The following SLC5A4 variants were observed in gnomAD, a reference collection of about 807,000 sequenced individuals.
SLC5A4 encodes probable glucose sensor protein SLC5A4.
A neutral mutation model predicts 70.3 loss-of-function variants in SLC5A4; 55 were observed. The observed-to-expected ratio is 0.78, with a 90% CI of 0.63 to 0.98. The LOEUF (loss-of-function observed/expected upper bound fraction) is 0.98, where lower values mean the gene tolerates loss of function less well. SLC5A4 is among the 50% of genes least tolerant of loss of function. The pLI, the probability that SLC5A4 is intolerant of heterozygous loss-of-function variation, is 0.00. For missense variants in SLC5A4, 735 were observed against 839.2 expected, an observed-to-expected ratio of 0.88 and a Z score of 1.53; for synonymous variants, 268 against 305.7, an observed-to-expected ratio of 0.88 and a Z score of 1.29.
Position 32,229,184 on chromosome 22 carries a change from G to C in SLC5A4, c.1280+10C>G. The C allele has an allele frequency of 6.2e-7, 1 of 1,612,562 alleles. No individual in the cohort carries two copies. The highest frequency in any genetic ancestry group is 8.5e-7 in the Non-Finnish European group (1 of 1,178,902). Reference sequence around the variant, plus strand: ...CAGAGGATTCTAGGTGGGAACCAGGGTTCACTCACCGTCCAGCTATCAGGA... The same window carrying C: ...CAGAGGATTCTAGGTGGGAACCAGGCTTCACTCACCGTCCAGCTATCAGGA... On this transcript the variant is annotated intron_variant, in intron 11 of 14. Transcript: ENST00000266086.
the SLC5A4 span, among the ~76,000 whole-genome samples, chr22:32,313,099 C>T: frequency 6.6e-6 from 1 of 152,162 alleles, no homozygotes; most frequent in Non-Finnish European, 1.5e-5. Flanking sequence ...ACCAAAATTA[C>T]AGTTAATTGT....
At chr22:32,274,457 T>A in the SLC5A4 span, among the ~76,000 whole-genome samples, 6 of 152,150 alleles carry the variant, frequency 3.9e-5, no homozygotes, top group East Asian at 7.7e-4. Context: ...CTTAAGATAA[T>A]TATAAGTTAA....
chr22:32,278,763 A>C, the SLC5A4 span, among the ~76,000 whole-genome samples: 1 of 152,216 alleles, frequency 6.6e-6, no homozygotes, highest in East Asian at 1.9e-4. Context: ...AATTTTCTAC[A>C]TTGTAGTTAA....
At chr22:32,248,663 T>A in intron 4 of SLC5A4, 80 bp downstream of exon 4, 2 of 997,758 alleles carry the variant, frequency 2.0e-6, no homozygotes, top group South Asian at 2.6e-5. Context: ...GCAATACTCA[T>A]TGTCTCAGTG....
the SLC5A4 span, among the ~76,000 whole-genome samples, chr22:32,301,767 C>G: frequency 0.34 from 50,715 of 151,080 alleles, 8,610 homozygotes; most frequent in Admixed American, 0.43. Flanking sequence ...AAACTTACAA[C>G]AAAGCTATGC....
chr22:32,305,832 G>A, the SLC5A4 span, among the ~76,000 whole-genome samples: 1 of 151,568 alleles, frequency 6.6e-6, no homozygotes, highest in African/African-American at 2.4e-5. Flanking sequence ...GATTGGCCCT[G>A]TCCCCCCACC....
the SLC5A4 span, among the ~76,000 whole-genome samples, chr22:32,352,593 G>T: frequency 6.6e-6 from 1 of 152,120 alleles, no homozygotes; most frequent in African/African-American, 2.4e-5. Flanking sequence ...TCCCCTGGCT[G>T]CACCTCCACC....
chr22:32,286,473 T>C, the SLC5A4 span, among the ~76,000 whole-genome samples: 1 of 152,230 alleles, frequency 6.6e-6, no homozygotes, highest in Admixed American at 6.5e-5. Flanking sequence ...TGGAGGAAAG[T>C]TTCTTGCCTG....
chr22:32,303,098 A>G, the SLC5A4 span, among the ~76,000 whole-genome samples: 330 of 152,294 alleles, frequency 2.2e-3, 1 homozygote, highest in Non-Finnish European at 3.2e-3. Context: ...AAAGTCTCTG[A>G]GACAGATCTC....
At chr22:32,309,277 C>T in the SLC5A4 span, among the ~76,000 whole-genome samples, 1 of 152,204 alleles carries the variant, frequency 6.6e-6, no homozygotes, top group Non-Finnish European at 1.5e-5. Flanking sequence ...GAATCACACA[C>T]AGTTCCCAGT....
the SLC5A4 span, among the ~76,000 whole-genome samples, chr22:32,348,972 C>T: frequency 6.6e-6 from 1 of 152,032 alleles, no homozygotes; most frequent in Non-Finnish European, 1.5e-5. Context: ...TTAGACAAAA[C>T]TCTTTGTTGT....
the SLC5A4 span, among the ~76,000 whole-genome samples, chr22:32,325,525 C>G: frequency 6.6e-6 from 1 of 152,208 alleles, no homozygotes; most frequent in Non-Finnish European, 1.5e-5. Flanking sequence ...ATGCTCCCGG[C>G]AGGGGTGAGT....
upstream of SLC5A4, among the ~76,000 whole-genome samples, chr22:32,258,784 G>C (rs1228867509): frequency 6.6e-6 from 1 of 152,180 alleles, no homozygotes; most frequent in Admixed American, 6.5e-5. Context: ...GCACACCCAT[G>C]TTCATAAGTA....
the SLC5A4 span, among the ~76,000 whole-genome samples, chr22:32,315,022 G>A: frequency 5.3e-5 from 8 of 152,154 alleles, no homozygotes; most frequent in African/African-American, 1.9e-4. Flanking sequence ...CATATCAGTT[G>A]CCCTACAGTG....
chr22:32,281,257 G>A, the SLC5A4 span, among the ~76,000 whole-genome samples: 1 of 152,180 alleles, frequency 6.6e-6, no homozygotes, highest in Non-Finnish European at 1.5e-5. Context: ...TCATGGGAAG[G>A]TGGGACGTCC....
the SLC5A4 span, among the ~76,000 whole-genome samples, chr22:32,279,201 G>A: frequency 3.0e-3 from 462 of 152,356 alleles, 5 homozygotes; most frequent in African/African-American, 0.011. Flanking sequence ...GCGTGAACCC[G>A]GGAGGCGGAG....
the SLC5A4 span, chr22:32,272,878 C>T: frequency 2.0e-6 from 1 of 512,730 alleles, no homozygotes; most frequent in Non-Finnish European, 3.8e-6. Flanking sequence ...GCTGCTGATG[C>T]TGCTGAACGT....
chr22:32,308,573 T>C, the SLC5A4 span, among the ~76,000 whole-genome samples: 1 of 152,236 alleles, frequency 6.6e-6, no homozygotes, highest in Non-Finnish European at 1.5e-5. Context: ...CAAAGAAGCC[T>C]GTTAACCCCC....
intron 11 of SLC5A4, among the ~76,000 whole-genome samples, chr22:32,228,059 C>G (rs1925507555): frequency 6.6e-6 from 1 of 152,174 alleles, no homozygotes; most frequent in African/African-American, 2.4e-5. Flanking sequence ...TCACAAGTCA[C>G]AGTGGTTAGC....
Sources: gnomAD v4.1 joint callset for allele counts (sites outside exome capture counted in the v4.1 genomes callset) on GRCh38, gnomAD v4.1.1 for gene constraint, MANE v1.5 for transcripts, NCBI Gene and HGNC (gene_info 2026-07-23, HGNC 2026-07-21) for gene names.